PDE3B: variants seen among roughly 807,000 people sequenced by gnomAD.
PDE3B encodes the protein cGMP-inhibited 3',5'-cyclic phosphodiesterase 3B.
PDE3B carries 66 observed loss-of-function variants against 116.8 expected under a neutral mutation model. The ratio of observed to expected loss-of-function variants is 0.56; its 90% CI spans 0.46 to 0.69. PDE3B has a LOEUF of 0.69. PDE3B is among the 30% of genes least tolerant of loss of function. The probability of loss-of-function intolerance (pLI) is 0.00; values close to 1 mark genes in which losing one functional copy is unlikely to be tolerated. For synonymous variants in PDE3B, 595 were observed against 533.6 expected (o/e 1.12, Z -1.59); for missense variants, 1,384 against 1,368.1 (o/e 1.01, Z -0.18).
chr11:14,899,111 A>G, the PDE3B span, among the ~76,000 whole-genome samples: 3 of 152,202 alleles, frequency 2.0e-5, no homozygotes, highest in Non-Finnish European at 4.4e-5. Flanking sequence ...TGACCTGTGA[A>G]GAGCCATGAA....
In PDE3B at chr11:14,869,572, C is replaced by T. The variant is rs1555008686; in HGVS notation, c.3251C>T (p.Ala1084Val). 6 of 1,613,644 alleles carry T rather than the reference C, an allele frequency of 3.7e-6. No individual in the cohort carries two copies. Among genetic ancestry groups the T allele is most frequent in the Admixed American group, 1.7e-5 (1 of 59,936 alleles). The change falls in exon 16 of 16, where the codon GCT (alanine) becomes GTT (valine). Residue 1084 changes from alanine to valine, a missense_variant. This residue lies in a region of PDE3B where 428 missense variants were observed against 561.4 expected (regional missense o/e 0.76). Coordinates refer to ENST00000282096, the MANE Select transcript of PDE3B (RefSeq NM_000922.4). The part of the protein sequence containing the change: ...EIVEEEEKCK[A>V]DGNKLQVENS... ...GTAGAGGAAGAAGAAAAATGTAAAG[C>T]TGATGGGAATAAACTGCAGGTGGAG...
the PDE3B span, chr11:14,886,081 A>G: frequency 1.5e-6 from 1 of 674,586 alleles, no homozygotes. Context: ...CCCTCCTTCT[A>G]TAAGGCATGC....
At position 14,869,755 on chromosome 11, in the gene PDE3B, C is replaced by T. The variant is rs188230098; in HGVS notation, c.*95C>T. On this transcript the variant is annotated 3_prime_UTR_variant, in exon 16 of 16. Coordinates refer to ENST00000282096, the MANE Select transcript of PDE3B (RefSeq NM_000922.4). ...TGCCTAGTGTTCACCGGCTGACTCT[C>T]AACTGACCATTCCCATGTGGACAGG... 2.0e-4 allele frequency: 196 copies of T among 967,888 alleles called. 1 individual carries two copies. The African/African-American group carries it at 2.9e-3, about 14-fold the overall frequency. The allele number at this position is 967,888 out of a possible 1,614,324, so 60.0% of individuals were successfully genotyped here. A position where few individuals can be genotyped will look rare whatever the true frequency, so the allele number is the denominator to read the frequency against.
Position 14,644,162 on chromosome 11 carries a change from C to G in PDE3B, c.87C>G (p.Asn29Lys). Residue 29 changes from asparagine to lysine, a missense_variant, in exon 1 of 16, where the codon AAC (asparagine) becomes AAG (lysine). Around this residue, in one of 2 missense-constraint regions of PDE3B, gnomAD observed 956 missense variants for 806.8 expected, o/e 1.18. Coordinates refer to ENST00000282096, the MANE Select transcript of PDE3B (RefSeq NM_000922.4). Reference protein sequence around the residue: ...GAGSPPESLRNGYVKSCVSPL... With the variant: ...GAGSPPESLRKGYVKSCVSPL... ...GCTCGCCCCCCGAGAGTCTGAGGAA[C>G]GGCTACGTGAAGAGCTGCGTGAGCC... 6.3e-7 allele frequency: 1 copy of G among 1,594,646 alleles called. No individual in the cohort carries two copies. The highest frequency in any genetic ancestry group is 8.5e-7 in the Non-Finnish European group (1 of 1,177,324).
intron 4 of PDE3B, among the ~76,000 whole-genome samples, chr11:14,790,386 C>A (rs1437537763): frequency 4.1e-5 from 6 of 147,622 alleles, no homozygotes; most frequent in Admixed American, 2.8e-4. Context: ...ATGTTAGGAA[C>A]AGAAAATGTG....
chr11:14,644,698 T>A lies in PDE3B; in HGVS notation c.623T>A (p.Leu208Gln), dbSNP rs1590023981. Residue 208 changes from leucine (L) to glutamine (Q), a missense_variant, in exon 1 of 16, where the codon CTG (leucine) becomes CAG (glutamine). By Grantham distance (113) the Leu-to-Gln change is moderately radical (BLOSUM62 -2). This residue lies in a region of PDE3B where 956 missense variants were observed against 806.8 expected (regional missense o/e 1.18). Coordinates refer to ENST00000282096, the MANE Select transcript of PDE3B (RefSeq NM_000922.4). ...LLVLSCVGLL[L>Q]TLAHPLRLRH... ...GTGCTGAGCTGCGTAGGGCTGCTGC[T>A]GACGCTCGCGCACCCGCTGCGGCTC... is the stretch of plus-strand genomic sequence containing the variant. The A allele has an allele frequency of 6.6e-7, 1 of 1,519,134 alleles. No individual in the cohort carries two copies. The highest frequency in any genetic ancestry group is 8.8e-7 in the Non-Finnish European group (1 of 1,135,844). 94.1% of individuals were successfully genotyped at this position (1,519,134 alleles called of 1,614,324 possible).
At chr11:14,767,902 TA>T (rs1369141787) in intron 1 of PDE3B, among the ~76,000 whole-genome samples, 8 of 151,292 alleles carry the variant, frequency 5.3e-5, no homozygotes, top group Non-Finnish European at 1.0e-4. Flanking sequence ...ATCATATATA[TA>T]TTTTTTTCGT....
chr11:14,879,092 C>T, the PDE3B span: 132 of 1,566,506 alleles, frequency 8.4e-5, no homozygotes, highest in Middle Eastern at 3.4e-4. Context: ...TCTAAAGTTA[C>T]GCCCCGTGAA....
intron 1 of PDE3B, among the ~76,000 whole-genome samples, chr11:14,669,226 G>C (rs1190759057): frequency 6.6e-6 from 1 of 152,140 alleles, no homozygotes; most frequent in Non-Finnish European, 1.5e-5. Context: ...TCACTAACCA[G>C]AGGTGATTTT....
chr11:14,697,108 G>T (rs1590069477), intron 1 of PDE3B, among the ~76,000 whole-genome samples: 1 of 151,710 alleles, frequency 6.6e-6, no homozygotes, highest in South Asian at 2.1e-4. Flanking sequence ...GCAATTTTTT[G>T]ATTTATTTTT....
At chr11:14,831,529 A>G in intron 8 of PDE3B, 111 bp from the exon 9 acceptor site, 1 of 556,400 alleles carries the variant, frequency 1.8e-6, no homozygotes, top group Non-Finnish European at 2.9e-6. Flanking sequence ...ACCATTATAG[A>G]AAATAGTACT....
chr11:14,738,583 T>G (rs1856666772), intron 1 of PDE3B, among the ~76,000 whole-genome samples: 2 of 152,160 alleles, frequency 1.3e-5, no homozygotes, highest in South Asian at 4.1e-4. Flanking sequence ...CTTCTTTTGC[T>G]GTGCAGAAGC....
Position 14,851,836 on chromosome 11 carries a change from C to T in PDE3B, c.2521-7207C>T, listed in dbSNP as rs934575988. Reference sequence around the variant, plus strand: ...ATGGCATAGTGGAAAAAGCACTGGACGAGATTAAAAGTCCTGTCTTAGATT... The same window carrying T: ...ATGGCATAGTGGAAAAAGCACTGGATGAGATTAAAAGTCCTGTCTTAGATT... On this transcript the variant is annotated intron_variant, in intron 12 of 15. Transcript: ENST00000282096. Among the ~76,000 whole-genome samples, 17 of 152,094 alleles carry T rather than the reference C, an allele frequency of 1.1e-4. No homozygotes were observed. The East Asian group carries it at 1.7e-3, about 16-fold the overall frequency.
intron 10 of PDE3B, among the ~76,000 whole-genome samples, chr11:14,834,361 A>G (rs1452364180): frequency 6.6e-6 from 1 of 152,198 alleles, no homozygotes; most frequent in African/African-American, 2.4e-5. Context: ...GATCTTTCCC[A>G]AGATTATAAA....
At chr11:14,857,873 T>A (rs1321270198) in intron 12 of PDE3B, among the ~76,000 whole-genome samples, 1 of 152,188 alleles carries the variant, frequency 6.6e-6, no homozygotes. Context: ...CTTGTCACAT[T>A]TGAGCATGAA....
chr11:14,826,763 G>A (rs1026449594), intron 7 of PDE3B, among the ~76,000 whole-genome samples: 9 of 147,080 alleles, frequency 6.1e-5, no homozygotes, highest in Admixed American at 1.4e-4. Context: ...GAAGAGGAAG[G>A]ACTGAAAGTA....
intron 5 of PDE3B, among the ~76,000 whole-genome samples, chr11:14,812,324 A>C (rs2133943829): frequency 6.6e-6 from 1 of 152,318 alleles, no homozygotes; most frequent in African/African-American, 2.4e-5. Context: ...GTGGAATTAG[A>C]TTTGAAAACA....
intron 1 of PDE3B, among the ~76,000 whole-genome samples, chr11:14,665,160 C>CA (rs1854088896): frequency 6.6e-6 from 1 of 152,160 alleles, no homozygotes; most frequent in Non-Finnish European, 1.5e-5. Flanking sequence ...GAACCAAAGA[C>CA]AAAAACCACA....
chr11:14,743,883 G>C (rs547976777), intron 1 of PDE3B, among the ~76,000 whole-genome samples: 9 of 152,264 alleles, frequency 5.9e-5, no homozygotes, highest in Non-Finnish European at 1.3e-4. Flanking sequence ...GCCCTCTGTG[G>C]GCTGGACCCA....
Sources: gnomAD v4.1 joint callset for allele counts (sites outside exome capture counted in the v4.1 genomes callset) on GRCh38, gnomAD v4.1.1 for gene constraint, gnomAD v4.1.1 regional missense constraint, MANE v1.5 for transcripts, NCBI Gene and HGNC (gene_info 2026-07-23, HGNC 2026-07-21) for gene names.